The following LRRK2 variants were observed in gnomAD, a reference collection of about 807,000 sequenced individuals.
LRRK2 encodes leucine rich repeat kinase 2, also known as leucine-rich repeat serine/threonine-protein kinase 2.
In LRRK2, 203 loss-of-function variants were observed where a neutral mutation model predicts 302.6. The observed-to-expected ratio is 0.67, with a 90% CI of 0.60 to 0.75. The LOEUF (loss-of-function observed/expected upper bound fraction) is 0.75. LRRK2 is among the 30% of genes least tolerant of loss of function. The pLI is 0.00. For synonymous variants in LRRK2, 1,066 were observed against 1,031.9 expected (o/e 1.03, Z -0.63); for missense variants, 2,830 against 2,951.0 (o/e 0.96, Z 0.95).
At chr12:40,324,197 C>T (rs927175074) in intron 38 of LRRK2, among the ~76,000 whole-genome samples, 6 of 151,750 alleles carry the variant, frequency 4.0e-5, no homozygotes, top group African/African-American at 4.8e-5. Flanking sequence ...TCTGGCTCCT[C>T]GGTTATCATT....
chr12:40,335,053 G>A lies in LRRK2; in HGVS notation c.5844G>A (p.Glu1948=). ...TTCGTCCCCGGATGTTGGTGATGGAGTTAGCCTCCAAGGGTTCCTTGGATC... is the reference window on the plus strand; with the variant it reads ...TTCGTCCCCGGATGTTGGTGATGGAATTAGCCTCCAAGGGTTCCTTGGATC... ...AGIRPRMLVM[E]LASKGSLDRL... Residue 1948 remains glutamate, a synonymous_variant, in exon 40 of 51, where the codon GAG becomes GAA. Transcript: ENST00000298910. The A allele has an allele frequency of 6.2e-7, 1 of 1,614,160 alleles. No homozygotes were observed. The highest frequency in any genetic ancestry group is 8.5e-7 in the Non-Finnish European group (1 of 1,180,016).
Position 40,348,499 on chromosome 12 carries a change from C to T in LRRK2, c.6371C>T (p.Thr2124Ile). ...AAAGAAAATCCTCAAGAAAGGCCTA[C>T]TTCTGCCCAGGTATTCTTAAAGTTT... is the stretch of plus-strand genomic sequence containing the variant. ...CLKENPQERPTSAQVFDILNS... is the reference protein window; with the variant it reads ...CLKENPQERPISAQVFDILNS... The change falls in exon 43 of 51, where the codon ACT becomes ATT. Residue 2124 changes from threonine (T) to isoleucine (I), a missense_variant. This residue lies in a region of LRRK2 where 253 missense variants were observed against 346.7 expected (regional missense o/e 0.73). Coordinates refer to ENST00000298910, the MANE Select transcript of LRRK2 (RefSeq NM_198578.4). 1 of 1,607,904 alleles carries T rather than the reference C, an allele frequency of 6.2e-7. No homozygotes were observed. Among genetic ancestry groups the T allele is most frequent in the African/African-American group, 1.3e-5 (1 of 74,948 alleles).
At position 40,278,211 on chromosome 12, in the gene LRRK2, T is replaced by C. The variant is rs201126499; in HGVS notation, c.2191T>C (p.Leu731=). The change falls in exon 18 of 51, where the codon TTG becomes CTG. Residue 731 remains leucine, a synonymous_variant. Coordinates refer to ENST00000298910, the MANE Select transcript of LRRK2 (RefSeq NM_198578.4). ...CATCATGGTTGAATGCTTGCTTCTA[T>C]TGGGAGCAGATGCCAATCAAGCAAA... The part of the protein sequence containing the change: ...NSIMVECLLL[L]GADANQAKEG... 5.6e-6 allele frequency: 9 copies of C among 1,614,014 alleles called. No homozygotes were observed. The highest frequency in any genetic ancestry group is 7.6e-6 in the Non-Finnish European group (9 of 1,179,992).
chr12:40,325,576 C>T (rs967680297), intron 38 of LRRK2, among the ~76,000 whole-genome samples: 1 of 152,132 alleles, frequency 6.6e-6, no homozygotes, highest in African/African-American at 2.4e-5. Flanking sequence ...ATGTGACAAT[C>T]AAAAATGTCT....
chr12:40,323,377 TTCATAATTATATTG>T, intron 38 of LRRK2, 71 bp downstream of exon 38: 1 of 1,277,814 alleles, frequency 7.8e-7, no homozygotes. Flanking sequence ...GAAAATAGAT[TTCATAATTATATTG>T]TCATAGATTT....
rs780258764 is a variant in LRRK2 at position 40,348,402 on chromosome 12, G to GT, written c.6281-3dup. The GT allele has an allele frequency of 1.9e-6, 3 of 1,578,798 alleles. No homozygotes were observed. The highest frequency in any genetic ancestry group is 1.7e-5 in the Admixed American group (1 of 59,952). On this transcript the variant is annotated splice_polypyrimidine_tract_variant and splice_region_variant and intron_variant, in intron 42 of 50. Transcript: ENST00000298910. Reference sequence around the variant, plus strand: ...GTATGCTAGCATGATGTTTTTTAATGTTTTAGATCCAGTTAAAGAATATGG... The same window carrying GT: ...GTATGCTAGCATGATGTTTTTTAATGTTTTTAGATCCAGTTAAAGAATATGG...
At chr12:40,257,892 C>T (rs1942593673) in intron 12 of LRRK2, among the ~76,000 whole-genome samples, 2 of 151,806 alleles carry the variant, frequency 1.3e-5, no homozygotes, top group South Asian at 4.2e-4. Context: ...GAGACCATAT[C>T]CTTTGATCTA....
chr12:40,307,323 T>C (rs1166114176), intron 28 of LRRK2, among the ~76,000 whole-genome samples: 1 of 152,052 alleles, frequency 6.6e-6, no homozygotes, highest in African/African-American at 2.4e-5. Context: ...TGATTTAGTC[T>C]TTTTCTCTAA....
intron 45 of LRRK2, among the ~76,000 whole-genome samples, chr12:40,354,723 C>A (rs1565776288): frequency 1.3e-5 from 2 of 152,258 alleles, no homozygotes; most frequent in Non-Finnish European, 2.9e-5. Flanking sequence ...GGCCTACCAG[C>A]CCTGCTCCTG....
At chr12:40,316,144 T>C (rs1159408067) in intron 33 of LRRK2, 2 of 171,180 alleles carry the variant, frequency 1.2e-5, no homozygotes, top group Non-Finnish European at 2.3e-5. Context: ...AAATTTATAG[T>C]TTTGCATGTG....
At chr12:40,346,223 T>G (rs949296526) in intron 41 of LRRK2, among the ~76,000 whole-genome samples, 8 of 152,092 alleles carry the variant, frequency 5.3e-5, no homozygotes, top group African/African-American at 1.9e-4. Context: ...TTTATTTTTA[T>G]TTTTTATTTT....
intron 41 of LRRK2, 80 bp downstream of exon 41, chr12:40,340,534 A>C (rs1317504077): frequency 7.1e-7 from 1 of 1,411,974 alleles, no homozygotes; most frequent in Non-Finnish European, 1.0e-6. Flanking sequence ...AGAAGAGTCA[A>C]AAGGAAAACA....
chr12:40,257,362 A>G lies in LRRK2; in HGVS notation c.1403A>G (p.His468Arg). ...GAAAGTGGCTGTAAAATGCTAAATC[A>G]TCTTTTTGAAGGAAGGTAATATAGA... The part of the protein sequence containing the change: ...VAESGCKMLN[H>R]LFEGSNTSLD... The change falls in exon 12 of 51, where the codon CAT becomes CGT. Residue 468 changes from histidine (H) to arginine (R), a missense_variant. Coordinates refer to ENST00000298910, the MANE Select transcript of LRRK2 (RefSeq NM_198578.4). 1 of 1,612,802 alleles carries G rather than the reference A, an allele frequency of 6.2e-7. No homozygotes were observed. The highest frequency in any genetic ancestry group is 8.5e-7 in the Non-Finnish European group (1 of 1,179,152).
chr12:40,307,786 T>C (rs1209439224), intron 28 of LRRK2, among the ~76,000 whole-genome samples: 6 of 145,856 alleles, frequency 4.1e-5, no homozygotes, highest in African/African-American at 1.5e-4. Context: ...CTTTTCTTTT[T>C]TTTTTTTTTT....
rs751736707 is a variant in LRRK2, at chr12:40,235,713, A to G, written c.435A>G (p.Ser145=). Residue 145 remains serine (S), a splice_region_variant and synonymous_variant, in exon 4 of 51, where the codon TCA becomes TCG. Coordinates refer to ENST00000298910, the MANE Select transcript of LRRK2 (RefSeq NM_198578.4). The part of the protein sequence containing the change: ...GLKTLDLLLT[S]GKITLLILDE... Reference sequence around the variant, plus strand: ...AGACCTTAGATCTCCTCCTAACTTCAGGTAATATGTGTATATGTTTTTTGT... The same window carrying G: ...AGACCTTAGATCTCCTCCTAACTTCGGGTAATATGTGTATATGTTTTTTGT... 1.3e-6 allele frequency: 2 copies of G among 1,560,936 alleles called. No individual in the cohort carries two copies. Among genetic ancestry groups the G allele is most frequent in the South Asian group, 1.1e-5 (1 of 90,014 alleles).
Position 40,225,088 on chromosome 12 carries a change from G to T in LRRK2, c.-44G>T, listed in dbSNP as rs765232448. The T allele has an allele frequency of 1.2e-5, 20 of 1,611,684 alleles. No individual in the cohort carries two copies. Among genetic ancestry groups the T allele is most frequent in the Middle Eastern group, 2.1e-4 (1 of 4,844 alleles). ...GCCCCTGCCGGTTCCCTGAGCAGCGGACGTTCATGCTGGGAGGGCGGCGGG... is the reference window on the plus strand; with the variant it reads ...GCCCCTGCCGGTTCCCTGAGCAGCGTACGTTCATGCTGGGAGGGCGGCGGG... On this transcript the variant is annotated 5_prime_UTR_variant, in exon 1 of 51. Coordinates refer to ENST00000298910, the MANE Select transcript of LRRK2 (RefSeq NM_198578.4).
chr12:40,318,609 C>T (rs1171341874), intron 33 of LRRK2, among the ~76,000 whole-genome samples: 1 of 152,008 alleles, frequency 6.6e-6, no homozygotes, highest in African/African-American at 2.4e-5. Flanking sequence ...AGTAGTTTGA[C>T]TCCAGGGCCT....
chr12:40,320,061 T>C lies in LRRK2; in HGVS notation c.4901T>C (p.Phe1634Ser), dbSNP rs201283175. Reference protein sequence around the residue: ...GIISRRDVEKFLSKKRKFPKN... With the variant: ...GIISRRDVEKSLSKKRKFPKN... ...ATTTCGCGTAGAGATGTGGAAAAAT[T>C]TCTTTCAAAAAAAAGGAAATTTCCA... Residue 1634 changes from phenylalanine to serine, a missense_variant, in exon 34 of 51, where the codon TTT becomes TCT. Phe to Ser is a radical substitution (Grantham distance 155). Coordinates refer to ENST00000298910, the MANE Select transcript of LRRK2 (RefSeq NM_198578.4). The C allele has an allele frequency of 1.1e-5, 18 of 1,611,826 alleles. No individual in the cohort carries two copies. Among genetic ancestry groups the C allele is most frequent in the Non-Finnish European group, 1.5e-5 (18 of 1,178,780 alleles).
rs1943382445 is a variant in LRRK2 at position 40,274,875 on chromosome 12, G to C, written c.1823G>C (p.Ser608Thr). ...CTAGAAATTCAGTGTCTGGGTTTAAGTCTTATAGGATACTTGATTACAAAG... is the reference window on the plus strand; with the variant it reads ...CTAGAAATTCAGTGTCTGGGTTTAACTCTTATAGGATACTTGATTACAAAG... ...DDQEIQCLGL[S>T]LIGYLITKKN... The change falls in exon 16 of 51, where the codon AGT becomes ACT. Residue 608 changes from serine (S) to threonine (T), a missense_variant. By Grantham distance (58) the Ser-to-Thr change is moderately conservative (BLOSUM62 1). Coordinates refer to ENST00000298910, the MANE Select transcript of LRRK2 (RefSeq NM_198578.4). 6.2e-7 allele frequency: 1 copy of C among 1,611,862 alleles called. No individual in the cohort carries two copies. Among genetic ancestry groups the C allele is most frequent in the African/African-American group, 1.3e-5 (1 of 74,972 alleles).
Sources: allele counts gnomAD v4.1 joint callset (sites outside exome capture counted in the v4.1 genomes callset), GRCh38; gene constraint gnomAD v4.1.1; regional missense constraint gnomAD v4.1.1; transcripts MANE v1.5; gene names NCBI Gene and HGNC (gene_info 2026-07-23, HGNC 2026-07-21).